GAK: variants seen among roughly 807,000 people sequenced by gnomAD.
The protein encoded by GAK is cyclin G associated kinase, also known as cyclin-G-associated kinase.
A neutral mutation model predicts 143.9 loss-of-function variants in GAK; 79 were observed. The observed-to-expected ratio is 0.55, with a 90% CI of 0.46 to 0.66. GAK has a LOEUF of 0.66. Ranked by LOEUF, GAK falls within the 30% of genes least tolerant of loss-of-function variation. The pLI, the probability that GAK is intolerant of heterozygous loss-of-function variation, is 0.00. For synonymous variants in GAK, 881 were observed against 765.5 expected, an observed-to-expected ratio of 1.15 and a Z score of -2.49; for missense variants, 1,693 against 1,779.7, an observed-to-expected ratio of 0.95 and a Z score of 0.88.
chr4:911,624 G>A (rs531840809), intron 4 of GAK, 49 bp downstream of exon 4: 14 of 1,307,920 alleles, frequency 1.1e-5, no homozygotes, highest in Admixed American at 6.8e-5. Flanking sequence ...GCATCAAGCC[G>A]GCCTCTGCTG....
chr4:918,804 C>A (rs371685783), intron 1 of GAK, among the ~76,000 whole-genome samples: 13 of 142,104 alleles, frequency 9.1e-5, no homozygotes, highest in African/African-American at 2.6e-4. Context: ...AAGGCCTCAG[C>A]GCCGCATGAC....
In GAK at chr4:896,421, C is replaced by T. The variant is rs758644175; in HGVS notation, c.741+39G>A. 1.7e-5 allele frequency: 27 copies of T among 1,563,134 alleles called. No homozygotes were observed. The African/African-American group carries it at 2.4e-4, about 14-fold the overall frequency. ...GCCGCCTCAGGTTAAGTAGGGCGCACGGAGCCAGGCACTGCCACTGAGAGG... is the reference window on the plus strand; with the variant it reads ...GCCGCCTCAGGTTAAGTAGGGCGCATGGAGCCAGGCACTGCCACTGAGAGG... On this transcript the variant is annotated intron_variant, in intron 7 of 27. Transcript: ENST00000314167.
At chr4:893,745 G>T in intron 8 of GAK, 129 bp downstream of exon 8, 2 of 1,182,284 alleles carry the variant, frequency 1.7e-6, no homozygotes, top group South Asian at 1.7e-5. Flanking sequence ...CAGGGATGTT[G>T]TCAAAACTAT....
intron 26 of GAK, 142 bp downstream of exon 26, chr4:850,794 G>T (rs548613779): frequency 2.2e-6 from 2 of 903,370 alleles, no homozygotes; most frequent in Non-Finnish European, 1.6e-6. Flanking sequence ...GTCTGGAGAC[G>T]CCGGCTCCAT....
At chr4:862,539 T>C (rs1350258664) in intron 23 of GAK, among the ~76,000 whole-genome samples, 1 of 151,962 alleles carries the variant, frequency 6.6e-6, no homozygotes, top group Admixed American at 6.6e-5. Flanking sequence ...GCGCCTGTAG[T>C]CCCAGCTACT....
At chr4:915,107 G>A (rs1722901722) in intron 1 of GAK, among the ~76,000 whole-genome samples, 5 of 103,342 alleles carry the variant, frequency 4.8e-5, no homozygotes, top group South Asian at 6.5e-4. Flanking sequence ...CAGCGTACAC[G>A]GCCCCCCGCA....
At chr4:863,962 G>A (rs1396794537) in intron 23 of GAK, among the ~76,000 whole-genome samples, 2 of 152,242 alleles carry the variant, frequency 1.3e-5, no homozygotes, top group Admixed American at 6.5e-5. Flanking sequence ...CGTGGAGGAT[G>A]CAGTGAGCCG....
chr4:903,508 G>A (rs1720365635), intron 5 of GAK, among the ~76,000 whole-genome samples: 1 of 152,190 alleles, frequency 6.6e-6, no homozygotes, highest in Non-Finnish European at 1.5e-5. Context: ...GGCACTGTGG[G>A]GTCCAGGACT....
chr4:901,283 G>A (rs1016859437), intron 5 of GAK, among the ~76,000 whole-genome samples: 8 of 152,324 alleles, frequency 5.3e-5, no homozygotes, highest in Non-Finnish European at 5.9e-5. Context: ...GGAGAGCCAC[G>A]GCCTTGGATC....
rs1187742900 is a variant in GAK at position 904,738 on chromosome 4, G to A, written c.424C>T (p.Pro142Ser). 1 of 1,614,062 alleles carries A rather than the reference G, an allele frequency of 6.2e-7. No homozygotes were observed. The highest frequency in any genetic ancestry group is 1.3e-5 in the African/African-American group (1 of 74,948). Residue 142 changes from proline to serine, a missense_variant, in exon 5 of 28, where the codon CCC becomes TCC. Pro to Ser is a moderately conservative substitution (Grantham distance 74). Coordinates refer to ENST00000314167, the MANE Select transcript of GAK (RefSeq NM_005255.4). Reference sequence around the variant, plus strand: ...TTCAGAACCGTGTCGCACGAAAGGGGGCCTCGAGATTCCATTTTCTTCAAA... The same window carrying A: ...TTCAGAACCGTGTCGCACGAAAGGGAGCCTCGAGATTCCATTTTCTTCAAA... The part of the protein sequence containing the change: ...EFLKKMESRG[P>S]LSCDTVLKIF...
At position 870,909 on chromosome 4, in the gene GAK, G is replaced by A. The variant is rs773194939; in HGVS notation, c.2055-5C>T. 26 of 1,606,096 alleles carry A rather than the reference G, an allele frequency of 1.6e-5. No homozygotes were observed. Among genetic ancestry groups the A allele is most frequent in the Middle Eastern group, 1.7e-4 (1 of 6,028 alleles). On this transcript the variant is annotated splice_region_variant and splice_polypyrimidine_tract_variant and intron_variant, in intron 18 of 27. Coordinates refer to ENST00000314167, the MANE Select transcript of GAK (RefSeq NM_005255.4). ...TCACACGCGTCCAGGTCATACCTGC[G>A]GTTACAAGTAGACACCACTTAGGAA... is the stretch of plus-strand genomic sequence containing the variant.
chr4:896,481 G>A lies in GAK; in HGVS notation c.720C>T (p.Ile240=), dbSNP rs774384684. 1.9e-6 allele frequency: 3 copies of A among 1,613,914 alleles called. No homozygotes were observed. The highest frequency in any genetic ancestry group is 2.5e-6 in the Non-Finnish European group (3 of 1,179,810). Residue 240 remains isoleucine, a synonymous_variant, in exon 7 of 28, where the codon ATC becomes ATT. Coordinates refer to ENST00000314167, the MANE Select transcript of GAK (RefSeq NM_005255.4). ...EIIDLYSNFP[I]GEKQDIWALG... is the part of the protein sequence containing the mutation. ...TCACCCAGATATCCTGCTTCTCGCC[G>A]ATCGGGAAGTTGGAATACAAGTCTA...
At chr4:860,051 T>C (rs1034132756) in intron 23 of GAK, among the ~76,000 whole-genome samples, 1 of 152,202 alleles carries the variant, frequency 6.6e-6, no homozygotes, top group Non-Finnish European at 1.5e-5. Flanking sequence ...CTCTTTATAA[T>C]AGCATAAATT....
intron 24 of GAK, among the ~76,000 whole-genome samples, chr4:853,984 G>A (rs1748678810): frequency 6.6e-6 from 1 of 152,022 alleles, no homozygotes; most frequent in Non-Finnish European, 1.5e-5. Flanking sequence ...TTTTAGTAGA[G>A]ACAGGGTTTC....
At chr4:882,549 C>A (rs1034682937) in intron 14 of GAK, 148 bp downstream of exon 14, 1 of 1,060,618 alleles carries the variant, frequency 9.4e-7, no homozygotes, top group African/African-American at 1.6e-5. Flanking sequence ...CCTCCAGACC[C>A]AAAGACACCA....
intron 11 of GAK, 185 bp from the exon 12 acceptor site, chr4:884,271 G>A (rs948900649): frequency 1.0e-5 from 6 of 580,148 alleles, no homozygotes; most frequent in African/African-American, 9.5e-5. Flanking sequence ...GTGCTGTGGA[G>A]CTGACCCCTA....
intron 24 of GAK, among the ~76,000 whole-genome samples, chr4:857,804 CT>C (rs1749556765): frequency 6.6e-6 from 1 of 152,126 alleles, no homozygotes; most frequent in Non-Finnish European, 1.5e-5. Context: ...GCTTATTTCG[CT>C]CCCTTTTTTT....
rs560843963 is a variant in GAK, at chr4:859,796, C to T, written c.3167-74G>A. The T allele has an allele frequency of 5.5e-3, 5,758 of 1,044,498 alleles. 25 individuals carry two copies. The highest frequency in any genetic ancestry group is 6.6e-3 in the Non-Finnish European group (4,614 of 703,814). 64.7% of individuals were successfully genotyped at this position (1,044,498 alleles called of 1,614,324 possible). A position where few individuals can be genotyped will look rare whatever the true frequency, so the allele number is the denominator to read the frequency against. On this transcript the variant is annotated intron_variant, in intron 23 of 27. Coordinates refer to ENST00000314167, the MANE Select transcript of GAK (RefSeq NM_005255.4). Reference sequence around the variant, plus strand: ...CACATCCTCCTGGGACCTCCGATGGCGCCTCCTTACGACATGACAGCCTCA... The same window carrying T: ...CACATCCTCCTGGGACCTCCGATGGTGCCTCCTTACGACATGACAGCCTCA...
intron 18 of GAK, 118 bp downstream of exon 18, chr4:876,412 C>G: frequency 1.2e-6 from 1 of 839,884 alleles, no homozygotes. Flanking sequence ...CCAGAGCCAC[C>G]AAGCAGCAGT....
Sources: allele counts gnomAD v4.1 joint callset (sites outside exome capture counted in the v4.1 genomes callset), GRCh38; gene constraint gnomAD v4.1.1; transcripts MANE v1.5; gene names NCBI Gene and HGNC (gene_info 2026-07-23, HGNC 2026-07-21).